The following PARD3B variants were observed in gnomAD, a reference collection of about 807,000 sequenced individuals.
PARD3B encodes the protein partitioning defective 3 homolog B.
In PARD3B, 103 loss-of-function variants were observed where a neutral mutation model predicts 130.2. The observed-to-expected ratio is 0.79, with a 90% CI of 0.67 to 0.93. The LOEUF (loss-of-function observed/expected upper bound fraction) is 0.93, where lower values mean the gene tolerates loss of function less well. Ranked by LOEUF, PARD3B falls within the 40% of genes least tolerant of loss-of-function variation. The pLI is 0.00. For missense variants in PARD3B, 1,609 were observed against 1,499.2 expected, an observed-to-expected ratio of 1.07 and a Z score of -1.21; for synonymous variants, 583 against 553.2, an observed-to-expected ratio of 1.05 and a Z score of -0.76.
At chr2:205,136,284 G>A (rs777676012) in intron 10 of PARD3B, among the ~76,000 whole-genome samples, 1 of 151,886 alleles carries the variant, frequency 6.6e-6, no homozygotes, top group African/African-American at 2.4e-5. Context: ...TACCTTTCTG[G>A]AACTAAGTAA....
At chr2:205,260,003 A>G (rs1157355928) in intron 16 of PARD3B, among the ~76,000 whole-genome samples, 2 of 152,148 alleles carry the variant, frequency 1.3e-5, no homozygotes, top group Non-Finnish European at 1.5e-5. Context: ...AAGTTTGTGT[A>G]CATTGAACCA....
chr2:204,589,512 G>A (rs1302401918), intron 1 of PARD3B, among the ~76,000 whole-genome samples: 2 of 152,166 alleles, frequency 1.3e-5, no homozygotes, highest in Non-Finnish European at 2.9e-5. Context: ...TGCTTAGAAT[G>A]CCTAGCAATG....
intron 2 of PARD3B, among the ~76,000 whole-genome samples, chr2:204,954,594 C>T (rs895631707): frequency 2.0e-5 from 3 of 152,202 alleles, no homozygotes; most frequent in South Asian, 2.1e-4. Flanking sequence ...CCACTCGCTA[C>T]CTTACCTGGC....
chr2:205,146,569 T>A lies in PARD3B; in HGVS notation c.1435-12153T>A, dbSNP rs575646227. Among the ~76,000 whole-genome samples, 52 of 151,550 alleles carry A rather than the reference T, an allele frequency of 3.4e-4. No homozygotes were observed. Among genetic ancestry groups the A allele is most frequent in the Middle Eastern group, 3.4e-3 (1 of 292 alleles). The stretch of plus-strand genomic sequence containing the variant: ...GGGAGGCTGAGGCAGGAGAATGGCG[T>A]GAACCCGGGAGGCGGAGCTTGCAGT... On this transcript the variant is annotated intron_variant, in intron 10 of 22. Transcript: ENST00000406610. This position sits in a 1 kb window ranked among gnomAD's most constrained non-coding sequence, Gnocchi z 4.3.
At chr2:205,581,400 T>TATATAAGTATATATAA (rs1452011402) in intron 22 of PARD3B, among the ~76,000 whole-genome samples, 733 of 40,000 alleles carry the variant, frequency 0.018, 8 homozygotes, top group Non-Finnish European at 0.022. Flanking sequence ...TATATAAATA[T>TATATAAGTATATATAA]ATATATAAGT....
chr2:204,674,188 T>C (rs1291661173), intron 1 of PARD3B, among the ~76,000 whole-genome samples: 1 of 152,160 alleles, frequency 6.6e-6, no homozygotes, highest in African/African-American at 2.4e-5. Context: ...GACTAAGCCA[T>C]AAAATTAACA....
chr2:204,838,191 T>A (rs546608018), intron 2 of PARD3B, among the ~76,000 whole-genome samples: 1 of 139,242 alleles, frequency 7.2e-6, no homozygotes, highest in Non-Finnish European at 1.7e-5. Context: ...TTATTATTAT[T>A]ATTATTTTTG....
At chr2:205,092,759 T>C (rs911091854) in intron 4 of PARD3B, among the ~76,000 whole-genome samples, 1 of 152,196 alleles carries the variant, frequency 6.6e-6, no homozygotes, top group Admixed American at 6.5e-5. Context: ...ATCTCTAGTC[T>C]GTAGGTTCAG....
chr2:204,899,999 T>C (rs2046800522), intron 2 of PARD3B, among the ~76,000 whole-genome samples: 1 of 152,210 alleles, frequency 6.6e-6, no homozygotes, highest in Non-Finnish European at 1.5e-5. Flanking sequence ...GGACTTCGTT[T>C]GTGTATTATT....
chr2:205,339,397 T>C (rs1362903112), intron 18 of PARD3B, among the ~76,000 whole-genome samples: 1 of 152,168 alleles, frequency 6.6e-6, no homozygotes, highest in Non-Finnish European at 1.5e-5. Flanking sequence ...ACTCAGGTAG[T>C]GATTGAGGTG....
At chr2:205,186,560 AATCCTGT>A (rs2036113214) in intron 14 of PARD3B, among the ~76,000 whole-genome samples, 1 of 152,148 alleles carries the variant, frequency 6.6e-6, no homozygotes, top group Non-Finnish European at 1.5e-5. Flanking sequence ...GTCCCATGAT[AATCCTGT>A]GAAATTTCTT....
chr2:205,437,769 G>C (rs1009845072), intron 19 of PARD3B, among the ~76,000 whole-genome samples: 1 of 152,054 alleles, frequency 6.6e-6, no homozygotes, highest in Admixed American at 6.6e-5. Context: ...AGAAAGAGGA[G>C]ATTTAAACAA....
At chr2:204,633,294 C>T (rs2125142719) in intron 1 of PARD3B, among the ~76,000 whole-genome samples, 1 of 152,212 alleles carries the variant, frequency 6.6e-6, no homozygotes, top group Admixed American at 6.5e-5. Flanking sequence ...AATTCCTGAC[C>T]TTGCTTGTTT....
chr2:204,862,331 C>A (rs1165501976), intron 2 of PARD3B, among the ~76,000 whole-genome samples: 1 of 152,182 alleles, frequency 6.6e-6, no homozygotes, highest in Non-Finnish European at 1.5e-5. Context: ...GTTATCTCAC[C>A]TGGAAAATAA....
chr2:205,441,158 A>G (rs1005646146), intron 20 of PARD3B, among the ~76,000 whole-genome samples: 1 of 152,216 alleles, frequency 6.6e-6, no homozygotes, highest in Admixed American at 6.6e-5. Flanking sequence ...CTCAAGGGAA[A>G]GGTGACCCTG....
chr2:205,191,913 G>A (rs936285879), intron 14 of PARD3B, among the ~76,000 whole-genome samples: 9 of 152,060 alleles, frequency 5.9e-5, no homozygotes, highest in Admixed American at 3.9e-4. Flanking sequence ...GAGGGAAGAG[G>A]TGCAATCTTA....
chr2:205,303,131 A>T lies in PARD3B; in HGVS notation c.2630+1430A>T, dbSNP rs555106212. Among the ~76,000 whole-genome samples the T allele has an allele frequency of 7.9e-5, 12 of 152,152 alleles. No homozygotes were observed. In the South Asian group the frequency reaches 2.5e-3, roughly 32 times the overall value. The stretch of plus-strand genomic sequence containing the variant: ...CGGGGGCTAAAATATGCAATCCAAT[A>T]TAAATGAAAGCTTTCTTCCTTTCTG... On this transcript the variant is annotated intron_variant, in intron 18 of 22. Coordinates refer to ENST00000406610, the MANE Select transcript of PARD3B (RefSeq NM_001302769.2).
In PARD3B at chr2:204,991,254, G is replaced by A. The variant is rs1402975459; in HGVS notation, c.394+25931G>A. On this transcript the variant is annotated intron_variant, in intron 3 of 22. Coordinates refer to ENST00000406610, the MANE Select transcript of PARD3B (RefSeq NM_001302769.2). ...CCCCCAACCCACCACAGTCCCCAGA[G>A]TGTGATATTCCCCTTCCTGTGTCCA... Among the ~76,000 whole-genome samples, 7 of 131,730 alleles carry A rather than the reference G, an allele frequency of 5.3e-5. No individual in the cohort carries two copies. In the Admixed American group the frequency reaches 6.3e-4, roughly 12 times the overall value. 86.4% of individuals were successfully genotyped at this position (131,730 alleles called of 152,430 possible).
At chr2:205,012,395 T>A (rs536970665) in intron 3 of PARD3B, among the ~76,000 whole-genome samples, 6 of 152,302 alleles carry the variant, frequency 3.9e-5, no homozygotes. Flanking sequence ...TCCTACAAAA[T>A]TTACTTTTAG....
Sources: gnomAD v4.1 joint callset for allele counts (sites outside exome capture counted in the v4.1 genomes callset) on GRCh38, gnomAD v4.1.1 for gene constraint, Gnocchi (gnomAD v3.1) non-coding constraint, MANE v1.5 for transcripts, NCBI Gene and HGNC (gene_info 2026-07-23, HGNC 2026-07-21) for gene names.